Variants in ZNF485 observed in about 807,000 individuals in gnomAD.
ZNF485 encodes the protein zinc finger protein 485.
Under a neutral mutation model 10.8 loss-of-function variants are expected in ZNF485, and 9 were observed. The ratio of observed to expected loss-of-function variants is 0.83; its 90% CI spans 0.50 to 1.45. ZNF485 has a LOEUF of 1.45. Among genes scored for constraint, ZNF485 ranks in the 40% most tolerant of loss-of-function variants. The probability of loss-of-function intolerance (pLI) is 0.00; values close to 1 mark genes in which losing one functional copy is unlikely to be tolerated. For synonymous variants in ZNF485, 187 were observed against 181.0 expected (o/e 1.03, Z -0.27); for missense variants, 487 against 528.0 (o/e 0.92, Z 0.76).
intron 3 of ZNF485, 33 bp downstream of exon 3, chr10:43,608,773 G>T (rs1369753790): frequency 1.9e-6 from 3 of 1,604,940 alleles, no homozygotes; most frequent in Non-Finnish European, 2.6e-6. Context: ...CTCAGGATTG[G>T]TCTGCTGGGC....
In ZNF485 at chr10:43,616,165, G is replaced by A. The variant is rs1440915204; in HGVS notation, c.248-126G>A. ...CTTTTCTCAGCAAGAATCACAAGTG[G>A]GACACATTAATAATTTTTCATAACC... On this transcript the variant is annotated intron_variant, in intron 4 of 4. Coordinates refer to ENST00000361807, the MANE Select transcript of ZNF485 (RefSeq NM_145312.4). 15 of 684,850 alleles carry A rather than the reference G, an allele frequency of 2.2e-5. No individual in the cohort carries two copies. The East Asian group carries it at 4.1e-4, about 19-fold the overall frequency. The allele number at this position is 684,850 out of a possible 1,614,324, so 42.4% of individuals were successfully genotyped here. A position where few individuals can be genotyped will look rare whatever the true frequency, so the allele number is the denominator to read the frequency against.
chr10:43,615,769 A>G lies in ZNF485; in HGVS notation c.248-522A>G, dbSNP rs144369058. Among the ~76,000 whole-genome samples, 757 of 152,256 alleles carry G rather than the reference A, an allele frequency of 5.0e-3. 6 individuals are homozygous for G. Among genetic ancestry groups the G allele is most frequent in the African/African-American group, 0.017 (710 of 41,532 alleles). On this transcript the variant is annotated intron_variant, in intron 4 of 4. Transcript: ENST00000361807. Reference sequence around the variant, plus strand: ...GTAAAATCTTATTGGCCTGAGAACTATTTTTGTTCCTTGAATATTTTTTCT... The same window carrying G: ...GTAAAATCTTATTGGCCTGAGAACTGTTTTTGTTCCTTGAATATTTTTTCT...
chr10:43,607,224 C>A, intron 2 of ZNF485, 150 bp downstream of exon 2: 1 of 842,744 alleles, frequency 1.2e-6, no homozygotes, highest in Non-Finnish European at 1.9e-6. Context: ...CCTGTCTACC[C>A]ATTACGTAGT....
intron 1 of ZNF485, 120 bp from the exon 2 acceptor site, chr10:43,606,877 A>G (rs1005864733): frequency 4.2e-6 from 3 of 706,548 alleles, no homozygotes; most frequent in Non-Finnish European, 7.3e-6. Context: ...GAGCGTACCC[A>G]CCTGGACCTG....
chr10:43,612,521 T>C (rs1488457649), intron 4 of ZNF485, among the ~76,000 whole-genome samples: 2 of 152,224 alleles, frequency 1.3e-5, no homozygotes, highest in Non-Finnish European at 2.9e-5. Flanking sequence ...GGGGTACTTT[T>C]TTTGACAGTG....
At chr10:43,606,711 C>T (rs1838653634) in intron 1 of ZNF485, 165 bp downstream of exon 1, 1 of 428,238 alleles carries the variant, frequency 2.3e-6, no homozygotes. Context: ...AGCGACCGCT[C>T]GAGGCTGGTG....
Position 43,606,499 on chromosome 10 carries a change from C to A in ZNF485, c.-102C>A. ...TACTGTCCGAACGGCGTGGTGTGGT[C>A]GCTGACTCTCTGGGCGTGCAGCTCC... On this transcript the variant is annotated 5_prime_UTR_variant, in exon 1 of 5. Transcript: ENST00000361807. 2.7e-6 allele frequency: 1 copy of A among 367,340 alleles called. No homozygotes were observed. The allele number at this position is 367,340 out of a possible 1,614,324, so 22.8% of individuals were successfully genotyped here. A position where few individuals can be genotyped will look rare whatever the true frequency, so the allele number is the denominator to read the frequency against.
rs557769790 is a variant in ZNF485, at chr10:43,614,011, C to T, written c.248-2280C>T. ...GGCGGATCACCTGAGGTCAGGAGTTCGAGACCAGCCTGGCCAACATGGTGA... is the reference window on the plus strand; with the variant it reads ...GGCGGATCACCTGAGGTCAGGAGTTTGAGACCAGCCTGGCCAACATGGTGA... On this transcript the variant is annotated intron_variant, in intron 4 of 4. Coordinates refer to ENST00000361807, the MANE Select transcript of ZNF485 (RefSeq NM_145312.4). Among the ~76,000 whole-genome samples the T allele has an allele frequency of 7.2e-5, 11 of 152,166 alleles. No individual in the cohort carries two copies. The East Asian group carries it at 1.9e-3, about 27-fold the overall frequency.
chr10:43,609,211 CATT>C, intron 3 of ZNF485, 41 bp from the exon 4 acceptor site: 1 of 1,438,222 alleles, frequency 7.0e-7, no homozygotes, highest in Non-Finnish European at 9.7e-7. Flanking sequence ...CCTTTTCATT[CATT>C]TTTTTTTTCT....
Position 43,607,027 on chromosome 10 carries a change from C to G in ZNF485, c.-24C>G, listed in dbSNP as rs186145794. 208 of 1,551,804 alleles carry G rather than the reference C, an allele frequency of 1.3e-4. No homozygotes were observed. The African/African-American group carries it at 2.5e-3, about 19-fold the overall frequency. On this transcript the variant is annotated 5_prime_UTR_variant, in exon 2 of 5. Transcript: ENST00000361807. ...CTTACGCAGGATTCTCAGCCCTTGC[C>G]TGGGAGAACAGTTCAGGAGACAGAT...
intron 2 of ZNF485, 142 bp downstream of exon 2, chr10:43,607,216 T>C (rs537082114): frequency 2.2e-6 from 2 of 923,842 alleles, no homozygotes; most frequent in South Asian, 1.5e-5. Flanking sequence ...ATTTCCGTCC[T>C]GTCTACCCAT....
Position 43,608,756 on chromosome 10 carries a change from T to A in ZNF485, c.151+16T>A. Reference sequence around the variant, plus strand: ...GTGTCTGTGGGTGAGGATGGCTTTCTCCTTGACTCAGGATTGGTCTGCTGG... The same window carrying A: ...GTGTCTGTGGGTGAGGATGGCTTTCACCTTGACTCAGGATTGGTCTGCTGG... On this transcript the variant is annotated intron_variant, in intron 3 of 4. Transcript: ENST00000361807. 5.0e-6 allele frequency: 8 copies of A among 1,613,082 alleles called. No homozygotes were observed. The highest frequency in any genetic ancestry group is 6.8e-6 in the Non-Finnish European group (8 of 1,179,404).
chr10:43,606,934 G>A (rs1838659130), intron 1 of ZNF485, 63 bp from the exon 2 acceptor site: 2 of 1,344,134 alleles, frequency 1.5e-6, no homozygotes, highest in Non-Finnish European at 2.1e-6. Flanking sequence ...CTGGTCTAGA[G>A]GGCAGATTCT....
At chr10:43,614,125 G>A (rs1432772638) in intron 4 of ZNF485, among the ~76,000 whole-genome samples, 1 of 151,776 alleles carries the variant, frequency 6.6e-6, no homozygotes, top group Middle Eastern at 3.2e-3. Context: ...TAAGACAGGA[G>A]AATCACTCGA....
At chr10:43,616,211 C>A in intron 4 of ZNF485, 80 bp from the exon 5 acceptor site, 1 of 1,156,972 alleles carries the variant, frequency 8.6e-7, no homozygotes, top group Non-Finnish European at 1.2e-6. Flanking sequence ...TAGAATAGAA[C>A]ATTATTCAAG....
In ZNF485 at chr10:43,606,443, G is replaced by A. The variant is rs1055412526; in HGVS notation, c.-158G>A. The A allele has an allele frequency of 2.3e-6, 1 of 425,752 alleles. No homozygotes were observed. The highest frequency in any genetic ancestry group is 4.4e-6 in the Non-Finnish European group (1 of 228,552). 26.4% of individuals were successfully genotyped at this position (425,752 alleles called of 1,614,324 possible). ...CCGGTCCAGCCTGTCTCCGCGTGGT[G>A]CGAGCGCTGCACCAGCCCCTGGCTG... On this transcript the variant is annotated 5_prime_UTR_variant, in exon 1 of 5. Coordinates refer to ENST00000361807, the MANE Select transcript of ZNF485 (RefSeq NM_145312.4).
At chr10:43,608,584 G>C (rs754060718) in intron 2 of ZNF485, 30 bp from the exon 3 acceptor site, 1 of 1,592,030 alleles carries the variant, frequency 6.3e-7, no homozygotes, top group African/African-American at 1.3e-5. Flanking sequence ...AGGGGTTCCC[G>C]GATGAGCAGA....
chr10:43,616,139 T>C (rs1418693160), intron 4 of ZNF485, 152 bp from the exon 5 acceptor site: 1 of 569,522 alleles, frequency 1.8e-6, no homozygotes, highest in African/African-American at 1.9e-5. Flanking sequence ...AGTCTGGCCA[T>C]CTTTTCTCAG....
intron 2 of ZNF485, chr10:43,607,332 G>T: frequency 1.7e-6 from 1 of 593,184 alleles, no homozygotes; most frequent in Non-Finnish European, 3.0e-6. Flanking sequence ...ATACACGTTA[G>T]CATGTAAAGA....
Sources: allele counts gnomAD v4.1 joint callset (sites outside exome capture counted in the v4.1 genomes callset), GRCh38; gene constraint gnomAD v4.1.1; transcripts MANE v1.5; gene names NCBI Gene and HGNC (gene_info 2026-07-23, HGNC 2026-07-21).